CLPB: variants seen among roughly 807,000 people sequenced by gnomAD.
The protein encoded by CLPB is mitochondrial disaggregase.
Under a neutral mutation model 78.4 loss-of-function variants are expected in CLPB, and 40 were observed. That is an observed-to-expected ratio of 0.51 (90% CI 0.40 to 0.66). The LOEUF (loss-of-function observed/expected upper bound fraction) is 0.66. Ranked by LOEUF, CLPB falls within the 30% of genes least tolerant of loss-of-function variation. The pLI is 0.00. For missense variants in CLPB, 780 were observed against 886.9 expected, an observed-to-expected ratio of 0.88 and a Z score of 1.53; for synonymous variants, 333 against 348.0, an observed-to-expected ratio of 0.96 and a Z score of 0.48.
rs1856661907 is a variant in CLPB at position 72,434,523 on chromosome 11, A to G, written c.-49T>C. 6.6e-7 allele frequency: 1 copy of G among 1,509,456 alleles called. No homozygotes were observed. The highest frequency in any genetic ancestry group is 2.3e-5 in the Admixed American group (1 of 43,772). 93.5% of individuals were successfully genotyped at this position (1,509,456 alleles called of 1,614,324 possible). Reference sequence around the variant, plus strand: ...CGTGGTGCCGGCCCCTGTGCTGACCACGTCCAACATGGCTGCCGCGGCGCG... The same window carrying G: ...CGTGGTGCCGGCCCCTGTGCTGACCGCGTCCAACATGGCTGCCGCGGCGCG... On this transcript the variant is annotated 5_prime_UTR_variant, in exon 1 of 16. Coordinates refer to ENST00000538039, the MANE Select transcript of CLPB (RefSeq NM_001258392.3).
chr11:72,342,871 C>T (rs553674115), intron 5 of CLPB, among the ~76,000 whole-genome samples: 27 of 152,306 alleles, frequency 1.8e-4, no homozygotes, highest in African/African-American at 6.5e-4. Context: ...GCTAATCCTA[C>T]GTCTGCTTCC....
At position 72,359,041 on chromosome 11, in the gene CLPB, G is replaced by A. The variant is rs184847103; in HGVS notation, c.647-33C>T. 149 of 1,611,260 alleles carry A rather than the reference G, an allele frequency of 9.2e-5. No individual in the cohort carries two copies. The African/African-American group carries it at 1.8e-3, about 19-fold the overall frequency. ...GACAGCAACACAAACCCTTCCATTA[G>A]CAACGACAGCATGAGCCACCAATCT... On this transcript the variant is annotated intron_variant, in intron 4 of 15. Transcript: ENST00000538039.
intron 4 of CLPB, 34 bp from the exon 5 acceptor site, chr11:72,359,042 C>T: frequency 8.7e-6 from 14 of 1,611,252 alleles, no homozygotes; most frequent in Non-Finnish European, 1.1e-5. Flanking sequence ...CTTCCATTAG[C>T]AACGACAGCA....
At chr11:72,433,868 G>C (rs556886297) in intron 1 of CLPB, among the ~76,000 whole-genome samples, 1 of 152,098 alleles carries the variant, frequency 6.6e-6, no homozygotes, top group Non-Finnish European at 1.5e-5. Flanking sequence ...GAGGGGAAGC[G>C]GATCTATGGT....
Position 72,288,047 on chromosome 11 carries a change from T to C in CLPB, c.*5320A>G, listed in dbSNP as rs1422798128. ...GGTTTAAGTGTGTTTCTTTCCTAAA[T>C]TTCTTTCTTGTTTTTCTTCTTTCAC... On this transcript the variant is annotated 3_prime_UTR_variant, in exon 16 of 16. Coordinates refer to ENST00000538039, the MANE Select transcript of CLPB (RefSeq NM_001258392.3). 6.6e-6 allele frequency: 1 copy of C among 152,224 alleles called. No individual in the cohort carries two copies. The highest frequency in any genetic ancestry group is 1.5e-5 in the Non-Finnish European group (1 of 68,036). The allele number at this position is 152,224 out of a possible 1,614,324, so 9.4% of individuals were successfully genotyped here.
intron 2 of CLPB, among the ~76,000 whole-genome samples, chr11:72,426,791 G>T (rs2135156287): frequency 6.6e-6 from 1 of 152,332 alleles, no homozygotes; most frequent in South Asian, 2.1e-4. Flanking sequence ...AGTTTCAGAT[G>T]AAATATAGCC....
At chr11:72,426,105 A>G (rs2135154133) in intron 2 of CLPB, among the ~76,000 whole-genome samples, 1 of 152,324 alleles carries the variant, frequency 6.6e-6, no homozygotes, top group Non-Finnish European at 1.5e-5. Context: ...AGGCAGTCTG[A>G]GGCCCAAGAC....
chr11:72,293,685 T>A, intron 15 of CLPB, 70 bp from the exon 16 acceptor site: 2 of 1,534,424 alleles, frequency 1.3e-6, no homozygotes, highest in African/African-American at 2.7e-5. Context: ...CTCCATCACT[T>A]ACTGCTAGGG....
At chr11:72,433,518 G>A (rs1856607437) in intron 1 of CLPB, among the ~76,000 whole-genome samples, 1 of 151,112 alleles carries the variant, frequency 6.6e-6, no homozygotes, top group South Asian at 2.1e-4. Flanking sequence ...CCAGCTTGGC[G>A]ACAGAGCAAG....
chr11:72,355,108 C>A (rs1483738635), intron 5 of CLPB: 2 of 152,278 alleles, frequency 1.3e-5, no homozygotes, highest in Admixed American at 6.5e-5. Context: ...GATTTAAACC[C>A]AGGTCTGACT....
At chr11:72,310,588 C>T (rs61893847) in intron 7 of CLPB, among the ~76,000 whole-genome samples, 6,999 of 152,238 alleles carry the variant, frequency 0.046, 225 homozygotes, top group Non-Finnish European at 0.072. Flanking sequence ...CTTGTGAATA[C>T]TGTGTGGACA....
chr11:72,354,822 A>G (rs1590836761), intron 5 of CLPB: 1 of 152,220 alleles, frequency 6.6e-6, no homozygotes, highest in Admixed American at 6.6e-5. Context: ...AGGCCTAAGC[A>G]CCCCCTCCTC....
At chr11:72,346,549 C>T (rs1046885890) in intron 5 of CLPB, among the ~76,000 whole-genome samples, 2 of 148,962 alleles carry the variant, frequency 1.3e-5, no homozygotes, top group African/African-American at 5.0e-5. Flanking sequence ...GAGCCTGAGA[C>T]ATTTCATTAT....
At chr11:72,346,483 C>T (rs1266893028) in intron 5 of CLPB, among the ~76,000 whole-genome samples, 2 of 151,352 alleles carry the variant, frequency 1.3e-5, no homozygotes, top group Non-Finnish European at 2.9e-5. Context: ...CAAAAAAATC[C>T]GAGGGCTCCT....
intron 2 of CLPB, among the ~76,000 whole-genome samples, chr11:72,429,566 A>G (rs1856484154): frequency 1.3e-5 from 2 of 152,226 alleles, no homozygotes; most frequent in South Asian, 2.1e-4. Context: ...ATAAATGGCC[A>G]AGAGAGGCCA....
rs1949451008 is a variant in CLPB, at chr11:72,291,474, A to C, written c.*1893T>G. 6.6e-6 allele frequency: 1 copy of C among 151,876 alleles called. No homozygotes were observed. The highest frequency in any genetic ancestry group is 1.5e-5 in the Non-Finnish European group (1 of 67,986). The allele number at this position is 151,876 out of a possible 1,614,324, so 9.4% of individuals were successfully genotyped here. On this transcript the variant is annotated 3_prime_UTR_variant, in exon 16 of 16. Coordinates refer to ENST00000538039, the MANE Select transcript of CLPB (RefSeq NM_001258392.3). ...AGGTGGGCACCAGCGGGCCTGGCTA[A>C]TTTTTGTATTTTTAGTACAGACAGG...
chr11:72,422,532 G>C (rs1200625217), intron 2 of CLPB, among the ~76,000 whole-genome samples: 1 of 152,168 alleles, frequency 6.6e-6, no homozygotes, highest in Non-Finnish European at 1.5e-5. Flanking sequence ...TCAAAAAACT[G>C]TGTGATGATC....
chr11:72,344,269 C>T (rs112355881), intron 5 of CLPB, among the ~76,000 whole-genome samples: 8 of 152,098 alleles, frequency 5.3e-5, no homozygotes, highest in South Asian at 4.1e-4. Context: ...AGTGCAGTGG[C>T]GCAATCTCAG....
intron 6 of CLPB, among the ~76,000 whole-genome samples, chr11:72,324,711 C>A (rs1045880245): frequency 6.6e-6 from 1 of 152,202 alleles, no homozygotes; most frequent in African/African-American, 2.4e-5. Flanking sequence ...CAAGCTGGCA[C>A]CTGTAATGAG....
Sources: gnomAD v4.1 joint callset for allele counts (sites outside exome capture counted in the v4.1 genomes callset) on GRCh38, gnomAD v4.1.1 for gene constraint, MANE v1.5 for transcripts, NCBI Gene and HGNC (gene_info 2026-07-23, HGNC 2026-07-21) for gene names.